Variants in SLC16A7 observed in about 807,000 individuals in gnomAD.
The protein encoded by SLC16A7 is solute carrier family 16 member 7.
In SLC16A7, 33 loss-of-function variants were observed where a neutral mutation model predicts 34.9. That is an observed-to-expected ratio of 0.94 (90% CI 0.72 to 1.26). SLC16A7 has a LOEUF of 1.26. SLC16A7 is among the 50% of genes most tolerant of loss of function. The probability of loss-of-function intolerance (pLI) is 0.00; values close to 1 mark genes in which losing one functional copy is unlikely to be tolerated. For missense variants in SLC16A7, 573 were observed against 578.1 expected (o/e 0.99, Z 0.09); for synonymous variants, 201 against 206.6 (o/e 0.97, Z 0.23).
At chr12:59,669,634 G>A (rs1484716222) in intron 2 of SLC16A7, among the ~76,000 whole-genome samples, 51 of 109,450 alleles carry the variant, frequency 4.7e-4, no homozygotes, top group Non-Finnish European at 7.7e-5. Context: ...AGGCTCTTTA[G>A]CAGTTACCCA....
At chr12:59,753,784 C>A (rs2137346020) in intron 3 of SLC16A7, among the ~76,000 whole-genome samples, 1 of 152,248 alleles carries the variant, frequency 6.6e-6, no homozygotes, top group Non-Finnish European at 1.5e-5. Context: ...ACTCTCCACC[C>A]CAAATCAACA....
At chr12:59,723,417 A>G (rs1049597665) in intron 3 of SLC16A7, among the ~76,000 whole-genome samples, 1 of 151,980 alleles carries the variant, frequency 6.6e-6, no homozygotes, top group African/African-American at 2.4e-5. Context: ...AGTGCTAACA[A>G]AGATTTAATT....
chr12:59,772,967 A>G (rs760738031), intron 4 of SLC16A7, among the ~76,000 whole-genome samples: 23 of 152,060 alleles, frequency 1.5e-4, no homozygotes, highest in Non-Finnish European at 2.9e-4. Context: ...GATCAGTTCT[A>G]TTGATTTCAA....
At chr12:59,635,717 AG>A (rs1417222290) in intron 1 of SLC16A7, among the ~76,000 whole-genome samples, 1 of 152,088 alleles carries the variant, frequency 6.6e-6, no homozygotes, top group Non-Finnish European at 1.5e-5. Flanking sequence ...ACTCCTGTGT[AG>A]CCCAGAGGTG....
chr12:59,608,675 A>G (rs1879053486), intron 1 of SLC16A7, among the ~76,000 whole-genome samples: 1 of 152,208 alleles, frequency 6.6e-6, no homozygotes, highest in South Asian at 2.1e-4. Flanking sequence ...CCCTTTTACC[A>G]TTAAATTTCT....
At chr12:59,683,823 G>A (rs1338340842) in intron 2 of SLC16A7, among the ~76,000 whole-genome samples, 1 of 152,184 alleles carries the variant, frequency 6.6e-6, no homozygotes, top group Non-Finnish European at 1.5e-5. Flanking sequence ...TGGACCTAAT[G>A]AGGAAAAGTA....
intron 2 of SLC16A7, among the ~76,000 whole-genome samples, chr12:59,665,832 GTGTGTGTGTGTCTA>G (rs1869151806): frequency 6.6e-6 from 1 of 151,802 alleles, no homozygotes; most frequent in South Asian, 2.1e-4. Context: ...GTGTGTGTGT[GTGTGTGTGTGTCTA>G]TGTGTGTGTG....
intron 3 of SLC16A7, among the ~76,000 whole-genome samples, chr12:59,766,165 T>G (rs1484584016): frequency 6.6e-6 from 1 of 152,208 alleles, no homozygotes. Context: ...GCTTGTGATT[T>G]TTGCACATTG....
rs1331563985 is a variant in SLC16A7 at position 59,784,445 on chromosome 12, TA to T, written c.*4767del. The T allele has an allele frequency of 6.6e-6, 1 of 152,148 alleles. No homozygotes were observed. The highest frequency in any genetic ancestry group is 1.5e-5 in the Non-Finnish European group (1 of 68,016). The allele number at this position is 152,148 out of a possible 1,614,324, so 9.4% of individuals were successfully genotyped here. On this transcript the variant is annotated 3_prime_UTR_variant, in exon 6 of 6. Coordinates refer to ENST00000547379, the MANE Select transcript of SLC16A7 (RefSeq NM_001270623.2). ...ATTTTAGTGATTATTCCATTTATAA[TA>T]TTATCCGTAGCTACCAAAAAAAAGA... is the stretch of plus-strand genomic sequence containing the variant.
intron 2 of SLC16A7, among the ~76,000 whole-genome samples, chr12:59,658,400 T>G (rs1183205022): frequency 6.6e-6 from 1 of 152,056 alleles, no homozygotes; most frequent in Non-Finnish European, 1.5e-5. Flanking sequence ...GAGAACTGTT[T>G]GAACATGGAA....
intron 1 of SLC16A7, among the ~76,000 whole-genome samples, chr12:59,609,133 G>A (rs898400861): frequency 3.9e-5 from 6 of 152,168 alleles, no homozygotes; most frequent in Non-Finnish European, 8.8e-5. Context: ...GTGAGTTCCC[G>A]GTATCCCTAT....
At chr12:59,744,342 G>A (rs763071250) in intron 3 of SLC16A7, among the ~76,000 whole-genome samples, 8 of 152,142 alleles carry the variant, frequency 5.3e-5, no homozygotes, top group African/African-American at 9.7e-5. Flanking sequence ...ATGGTTGGAC[G>A]TCAGAGAGAA....
At chr12:59,668,320 A>T (rs1565638438) in intron 2 of SLC16A7, among the ~76,000 whole-genome samples, 1 of 152,080 alleles carries the variant, frequency 6.6e-6, no homozygotes, top group Non-Finnish European at 1.5e-5. Flanking sequence ...AGCTGGGAGG[A>T]GGTTTGTACC....
intron 3 of SLC16A7, among the ~76,000 whole-genome samples, chr12:59,740,042 A>G (rs976231752): frequency 3.3e-5 from 5 of 151,186 alleles, no homozygotes; most frequent in Non-Finnish European, 5.9e-5. Flanking sequence ...GAAGCTCTTT[A>G]GTTTAATTAG....
At chr12:59,724,955 G>T (rs1212311366) in intron 3 of SLC16A7, among the ~76,000 whole-genome samples, 1 of 145,682 alleles carries the variant, frequency 6.9e-6, no homozygotes, top group Non-Finnish European at 1.5e-5. Context: ...ATTATGCAAA[G>T]TGTAGTGTAT....
At chr12:59,736,436 G>A (rs1164329564) in intron 3 of SLC16A7, among the ~76,000 whole-genome samples, 1 of 152,144 alleles carries the variant, frequency 6.6e-6, no homozygotes, top group African/African-American at 2.4e-5. Flanking sequence ...AACTCCAGCA[G>A]CCACTAAGGT....
chr12:59,681,074 G>A (rs1870708417), intron 2 of SLC16A7, among the ~76,000 whole-genome samples: 1 of 152,182 alleles, frequency 6.6e-6, no homozygotes, highest in South Asian at 2.1e-4. Context: ...ACCCAAAGCT[G>A]AGGTGCAGGC....
At chr12:59,619,270 CTG>C (rs775285060) in intron 1 of SLC16A7, among the ~76,000 whole-genome samples, 1 of 152,014 alleles carries the variant, frequency 6.6e-6, no homozygotes, top group African/African-American at 2.4e-5. Context: ...TACACAATCT[CTG>C]TGTAAAATTG....
intron 3 of SLC16A7, among the ~76,000 whole-genome samples, chr12:59,751,836 G>A (rs2137333016): frequency 6.6e-6 from 1 of 152,300 alleles, no homozygotes; most frequent in Non-Finnish European, 1.5e-5. Context: ...CCCCCGAGCA[G>A]CCTAACTGGG....
Sources: gnomAD v4.1 joint callset for allele counts (sites outside exome capture counted in the v4.1 genomes callset) on GRCh38, gnomAD v4.1.1 for gene constraint, MANE v1.5 for transcripts, NCBI Gene and HGNC (gene_info 2026-07-23, HGNC 2026-07-21) for gene names.